INPP5A: variants seen among roughly 807,000 people sequenced by gnomAD.
The protein encoded by INPP5A is 43 kDa inositol polyphosphate 5-phophatase.
In INPP5A, 14 loss-of-function variants were observed where a neutral mutation model predicts 65.2. The ratio of observed to expected loss-of-function variants is 0.21; its 90% CI spans 0.14 to 0.34. The LOEUF is 0.34. INPP5A is among the 10% of genes least tolerant of loss of function. The probability of loss-of-function intolerance (pLI) is 1.00; values close to 1 mark genes in which losing one functional copy is unlikely to be tolerated. For missense variants in INPP5A, 431 were observed against 545.6 expected, an observed-to-expected ratio of 0.79 and a Z score of 2.09; for synonymous variants, 207 against 208.3, an observed-to-expected ratio of 0.99 and a Z score of 0.05.
At chr10:132,751,905 C>T (rs1355525308) in intron 11 of INPP5A, among the ~76,000 whole-genome samples, 6 of 148,488 alleles carry the variant, frequency 4.0e-5, no homozygotes, top group Non-Finnish European at 7.5e-5. Flanking sequence ...TGGGTGGAGG[C>T]GGGTGCCCAG....
intron 2 of INPP5A, among the ~76,000 whole-genome samples, chr10:132,631,090 C>T (rs1327777301): frequency 1.3e-5 from 2 of 152,200 alleles, no homozygotes; most frequent in African/African-American, 4.8e-5. Flanking sequence ...CATGGTGGCC[C>T]AGCCCCACGC....
chr10:132,673,345 A>T (rs181598063), intron 4 of INPP5A, among the ~76,000 whole-genome samples: 1 of 152,288 alleles, frequency 6.6e-6, no homozygotes, highest in East Asian at 1.9e-4. Flanking sequence ...GGTGATGGTG[A>T]GTGGTGCCAC....
In INPP5A at chr10:132,707,763, G is replaced by GGTGGT. The variant is rs952675550; in HGVS notation, c.475-548_475-544dup. Among the ~76,000 whole-genome samples, 12 of 152,140 alleles carry GGTGGT rather than the reference G, an allele frequency of 7.9e-5. No homozygotes were observed. The highest frequency in any genetic ancestry group is 2.4e-4 in the African/African-American group (10 of 41,382). Reference sequence around the variant, plus strand: ...GGCTCTACGTTCGGTGGCTCTGCTAGGTGGTGGGGATCAGTGAGAGGCATC... The same window carrying GGTGGT: ...GGCTCTACGTTCGGTGGCTCTGCTAGGTGGTGTGGTGGGGATCAGTGAGAGGCATC... On this transcript the variant is annotated intron_variant, in intron 6 of 15. Coordinates refer to ENST00000368594, the MANE Select transcript of INPP5A (RefSeq NM_005539.5). The surrounding 1 kb of genome is among the most constrained non-coding windows in gnomAD (Gnocchi z 5.5).
At chr10:132,742,466 C>T (rs1846292042) in intron 9 of INPP5A, among the ~76,000 whole-genome samples, 1 of 152,194 alleles carries the variant, frequency 6.6e-6, no homozygotes, top group African/African-American at 2.4e-5. Context: ...AGGGCCACCC[C>T]CAGCTTCACT....
At chr10:132,684,459 CAT>C (rs776914474) in intron 4 of INPP5A, among the ~76,000 whole-genome samples, 26 of 152,092 alleles carry the variant, frequency 1.7e-4, no homozygotes, top group Non-Finnish European at 2.1e-4. Context: ...GGGTTATGTA[CAT>C]GTGTGTGCAT....
chr10:132,762,442 G>A lies in INPP5A; in HGVS notation c.904-3331G>A, dbSNP rs1352470622. ...AAAATACACACCAGGAGAAGTGGAG[G>A]CGTTCAGTCAAAGAGCTGGTGGAAA... On this transcript the variant is annotated intron_variant, in intron 11 of 15. Transcript: ENST00000368594. This position sits in a 1 kb window ranked among gnomAD's most constrained non-coding sequence, Gnocchi z 4.6. Among the ~76,000 whole-genome samples, 1 of 152,156 alleles carries A rather than the reference G, an allele frequency of 6.6e-6. No homozygotes were observed. The highest frequency in any genetic ancestry group is 1.5e-5 in the Non-Finnish European group (1 of 68,036).
chr10:132,665,819 C>T (rs1203042097), intron 4 of INPP5A, among the ~76,000 whole-genome samples: 1 of 151,774 alleles, frequency 6.6e-6, no homozygotes, highest in Non-Finnish European at 1.5e-5. Flanking sequence ...CTCTGGGAGG[C>T]TGAGGCAGGT....
At chr10:132,740,399 G>A (rs979655348) in intron 9 of INPP5A, among the ~76,000 whole-genome samples, 1 of 152,168 alleles carries the variant, frequency 6.6e-6, no homozygotes, top group Non-Finnish European at 1.5e-5. Flanking sequence ...CTTTCACAGC[G>A]AAAGCATTAC....
At chr10:132,708,444 C>A in intron 7 of INPP5A, 79 bp downstream of exon 7, 1 of 1,371,426 alleles carries the variant, frequency 7.3e-7, no homozygotes, top group Non-Finnish European at 1.0e-6. Context: ...ATGTTCCACA[C>A]ACCTCATTGG....
In INPP5A at chr10:132,705,312, G is replaced by C. The variant is rs1269941908; in HGVS notation, c.475-3001G>C. Among the ~76,000 whole-genome samples, 2 of 152,102 alleles carry C rather than the reference G, an allele frequency of 1.3e-5. No individual in the cohort carries two copies. The highest frequency in any genetic ancestry group is 2.4e-5 in the African/African-American group (1 of 41,438). ...GTCTGGTGCAGCACGCAGGGAGCCT[G>C]CCACCCCGCCACCCCGCCATAGAGC... On this transcript the variant is annotated intron_variant, in intron 6 of 15. Transcript: ENST00000368594. The surrounding 1 kb of genome is among the most constrained non-coding windows in gnomAD (Gnocchi z 4.9).
intron 2 of INPP5A, among the ~76,000 whole-genome samples, chr10:132,612,977 C>T (rs1359411587): frequency 2.0e-5 from 3 of 152,074 alleles, no homozygotes; most frequent in Non-Finnish European, 4.4e-5. Flanking sequence ...AGTGTGGGAC[C>T]GTCTGCACCA....
chr10:132,723,729 C>CTAG (rs535575080), intron 8 of INPP5A, among the ~76,000 whole-genome samples: 27 of 152,164 alleles, frequency 1.8e-4, no homozygotes, highest in South Asian at 4.1e-4. Flanking sequence ...GTCTCGCCTA[C>CTAG]ACCTGGGCTT....
chr10:132,750,139 G>T (rs1466743901), intron 11 of INPP5A, among the ~76,000 whole-genome samples: 1 of 152,248 alleles, frequency 6.6e-6, no homozygotes, highest in South Asian at 2.1e-4. Flanking sequence ...GTGCTGTGGG[G>T]TGGGGAGGAA....
At chr10:132,761,133 C>G (rs1407716421) in intron 11 of INPP5A, among the ~76,000 whole-genome samples, 1 of 152,236 alleles carries the variant, frequency 6.6e-6, no homozygotes, top group African/African-American at 2.4e-5. Flanking sequence ...CCCTGGTGTG[C>G]TCTGCAGAGG....
chr10:132,681,467 T>A (rs919756408), intron 4 of INPP5A, among the ~76,000 whole-genome samples: 3 of 151,968 alleles, frequency 2.0e-5, no homozygotes, highest in Admixed American at 1.3e-4. Context: ...TCCGAACACA[T>A]CTGAACATCA....
chr10:132,730,228 C>T (rs1312000716), intron 9 of INPP5A, among the ~76,000 whole-genome samples: 1 of 152,262 alleles, frequency 6.6e-6, no homozygotes, highest in Admixed American at 6.5e-5. Context: ...TCCCTCAGCC[C>T]CTCTGCCCTG....
intron 4 of INPP5A, among the ~76,000 whole-genome samples, chr10:132,658,577 C>T (rs527710387): frequency 4.6e-5 from 7 of 152,280 alleles, no homozygotes; most frequent in Non-Finnish European, 7.4e-5. Context: ...GGCTGCAGGC[C>T]GGGCCTTGGA....
rs1316906542 is a variant in INPP5A, at chr10:132,627,399, C to A, written c.118-18469C>A. On this transcript the variant is annotated intron_variant, in intron 2 of 15. Transcript: ENST00000368594. The surrounding 1 kb of genome is among the most constrained non-coding windows in gnomAD (Gnocchi z 6.6). Reference sequence around the variant, plus strand: ...GTCCTGAGAGGGTCTGTCCTGGCCGCTGAGCAGGTGGGTCTGGAGGGCGGT... The same window carrying A: ...GTCCTGAGAGGGTCTGTCCTGGCCGATGAGCAGGTGGGTCTGGAGGGCGGT... Among the ~76,000 whole-genome samples, 2 of 152,112 alleles carry A rather than the reference C, an allele frequency of 1.3e-5. No individual in the cohort carries two copies. Among genetic ancestry groups the A allele is most frequent in the Non-Finnish European group, 2.9e-5 (2 of 68,008 alleles).
chr10:132,781,516 A>G (rs1177450581), intron 14 of INPP5A, among the ~76,000 whole-genome samples: 2 of 152,256 alleles, frequency 1.3e-5, no homozygotes, highest in Non-Finnish European at 2.9e-5. Flanking sequence ...GGTGCGGCAG[A>G]GCCGAGGACG....
Sources: allele counts gnomAD v4.1 joint callset (sites outside exome capture counted in the v4.1 genomes callset), GRCh38; gene constraint gnomAD v4.1.1; non-coding constraint Gnocchi (gnomAD v3.1); transcripts MANE v1.5; gene names NCBI Gene and HGNC (gene_info 2026-07-23, HGNC 2026-07-21).